The following CTDSPL variants were observed in gnomAD, a reference collection of about 807,000 sequenced individuals.
The protein encoded by CTDSPL is CTD small phosphatase like, also known as CTD small phosphatase-like protein.
CTDSPL carries 8 observed loss-of-function variants against 30.5 expected under a neutral mutation model. The observed-to-expected ratio is 0.26, with a 90% CI of 0.15 to 0.47. The LOEUF (loss-of-function observed/expected upper bound fraction) is 0.47, where lower values mean the gene tolerates loss of function less well. Among genes scored for constraint, CTDSPL ranks in the 20% least tolerant of loss-of-function variants. CTDSPL has a pLI of 0.99. For missense variants in CTDSPL, 248 were observed against 366.1 expected (o/e 0.68, Z 2.63); for synonymous variants, 110 against 137.9 (o/e 0.80, Z 1.42).
chr3:37,876,826 T>A (rs781217932), intron 1 of CTDSPL, among the ~76,000 whole-genome samples: 4 of 151,988 alleles, frequency 2.6e-5, no homozygotes, highest in Non-Finnish European at 5.9e-5. Flanking sequence ...CATATAACAT[T>A]AAATTTAGCA....
intron 1 of CTDSPL, among the ~76,000 whole-genome samples, chr3:37,866,281 T>G (rs1456738201): frequency 6.6e-6 from 1 of 152,062 alleles, no homozygotes; most frequent in Non-Finnish European, 1.5e-5. Flanking sequence ...CAGGAAAAAT[T>G]TTGAAGAACA....
chr3:37,946,363 G>A (rs1699037286), intron 1 of CTDSPL, among the ~76,000 whole-genome samples: 1 of 152,198 alleles, frequency 6.6e-6, no homozygotes, highest in Non-Finnish European at 1.5e-5. Context: ...GATGGGCTTT[G>A]CCCTGGCTGG....
chr3:37,871,743 C>T (rs1698073601), intron 1 of CTDSPL, among the ~76,000 whole-genome samples: 2 of 151,950 alleles, frequency 1.3e-5, no homozygotes, highest in African/African-American at 4.8e-5. Flanking sequence ...ACTATGATGA[C>T]ATAAATGTTA....
At chr3:37,939,118 G>A (rs1458338580) in intron 1 of CTDSPL, among the ~76,000 whole-genome samples, 1 of 150,162 alleles carries the variant, frequency 6.7e-6, no homozygotes, top group Non-Finnish European at 1.5e-5. Context: ...GGCTGTTTTT[G>A]TGAGGACCGT....
At chr3:37,956,020 T>A (rs183660692) in intron 2 of CTDSPL, among the ~76,000 whole-genome samples, 1 of 152,312 alleles carries the variant, frequency 6.6e-6, no homozygotes, top group East Asian at 1.9e-4. Context: ...GCAGCATAGC[T>A]CTGCCTTGAG....
intron 1 of CTDSPL, among the ~76,000 whole-genome samples, chr3:37,913,481 C>T (rs1698606674): frequency 6.6e-6 from 1 of 152,200 alleles, no homozygotes; most frequent in African/African-American, 2.4e-5. Context: ...TAGCAAGACA[C>T]AGTGCCTAAA....
chr3:37,938,314 G>A (rs1380832241), intron 1 of CTDSPL, among the ~76,000 whole-genome samples: 1 of 150,054 alleles, frequency 6.7e-6, no homozygotes, highest in Non-Finnish European at 1.5e-5. Flanking sequence ...GTTAAGGATG[G>A]TTCCAAAGCC....
Position 37,981,004 on chromosome 3 carries a change from A to G in CTDSPL, c.*137A>G. ...CCACAGGGTGAATGTGGCCATGCCT[A>G]CCTGTTTTGTTTTTTTAAGAACAGA... is the stretch of plus-strand genomic sequence containing the variant. On this transcript the variant is annotated 3_prime_UTR_variant, in exon 8 of 8. Coordinates refer to ENST00000273179, the MANE Select transcript of CTDSPL (RefSeq NM_001008392.2). The G allele has an allele frequency of 9.8e-7, 1 of 1,019,548 alleles. No homozygotes were observed. The highest frequency in any genetic ancestry group is 3.0e-5 in the East Asian group (1 of 33,716). The allele number at this position is 1,019,548 out of a possible 1,614,324, so 63.2% of individuals were successfully genotyped here.
At chr3:37,949,673 T>G (rs1699086287) in intron 2 of CTDSPL, among the ~76,000 whole-genome samples, 1 of 152,222 alleles carries the variant, frequency 6.6e-6, no homozygotes, top group African/African-American at 2.4e-5. Context: ...CTTCCCTCAG[T>G]TTTCATAAAA....
intron 1 of CTDSPL, among the ~76,000 whole-genome samples, chr3:37,882,574 G>A (rs754164362): frequency 2.0e-5 from 3 of 151,986 alleles, no homozygotes. Context: ...CCGAGATTGA[G>A]CCACTGCACT....
chr3:37,937,632 G>A (rs1465765001), intron 1 of CTDSPL, among the ~76,000 whole-genome samples: 4 of 150,388 alleles, frequency 2.7e-5, no homozygotes, highest in African/African-American at 9.7e-5. Flanking sequence ...TTACACCAGT[G>A]CTAAATGGAA....
intron 7 of CTDSPL, among the ~76,000 whole-genome samples, chr3:37,976,509 G>A (rs1699429712): frequency 6.6e-6 from 1 of 151,976 alleles, no homozygotes; most frequent in African/African-American, 2.4e-5. Flanking sequence ...GCACGCACCT[G>A]TAGTCTCAGC....
Position 37,862,313 on chromosome 3 carries a change from C to A in CTDSPL, c.79+35C>A. On this transcript the variant is annotated intron_variant, in intron 1 of 7. Transcript: ENST00000273179. The surrounding 1 kb of genome is among the most constrained non-coding windows in gnomAD (Gnocchi z 4.3). ...GGCGCAGGCGGCCGCGGGCTGGGGG[C>A]GAGCGCACACCCCGCGCCGCTGGAG... The A allele has an allele frequency of 6.9e-7, 1 of 1,441,214 alleles. No homozygotes were observed. Among genetic ancestry groups the A allele is most frequent in the South Asian group, 1.4e-5 (1 of 72,648 alleles). 89.3% of individuals were successfully genotyped at this position (1,441,214 alleles called of 1,614,324 possible). A position where few individuals can be genotyped will look rare whatever the true frequency, so the allele number is the denominator to read the frequency against.
chr3:37,965,136 C>T (rs1282234278), intron 4 of CTDSPL, among the ~76,000 whole-genome samples: 1 of 152,232 alleles, frequency 6.6e-6, no homozygotes, highest in Non-Finnish European at 1.5e-5. Flanking sequence ...CTGAAGAAGA[C>T]TTCCAGACTT....
Position 37,941,605 on chromosome 3 carries a change from G to A in CTDSPL, c.80-5452G>A, listed in dbSNP as rs140868983. Among the ~76,000 whole-genome samples, 413 of 150,014 alleles carry A rather than the reference G, an allele frequency of 2.8e-3. 35 individuals are homozygous for A. In the East Asian group the frequency reaches 0.049, roughly 18 times the overall value. ...GGGTTTCGCCATGTTGTCCAGGCTG[G>A]TCTCAAACTTCTGGCCTCAGGTGAT... On this transcript the variant is annotated intron_variant, in intron 1 of 7. Coordinates refer to ENST00000273179, the MANE Select transcript of CTDSPL (RefSeq NM_001008392.2).
rs919831390 is a variant in CTDSPL, at chr3:37,975,391, T to C, written c.520-318T>C. Among the ~76,000 whole-genome samples the C allele has an allele frequency of 6.6e-6, 1 of 151,974 alleles. No homozygotes were observed. The highest frequency in any genetic ancestry group is 2.1e-4 in the South Asian group (1 of 4,820). Reference sequence around the variant, plus strand: ...AAGGAGGCCCCGTGGGAAAGACAGGTTTTTCACGAGGCTCACACAGCCATC... The same window carrying C: ...AAGGAGGCCCCGTGGGAAAGACAGGCTTTTCACGAGGCTCACACAGCCATC... On this transcript the variant is annotated intron_variant, in intron 6 of 7. Coordinates refer to ENST00000273179, the MANE Select transcript of CTDSPL (RefSeq NM_001008392.2). This position sits in a 1 kb window ranked among gnomAD's most constrained non-coding sequence, Gnocchi z 4.9.
intron 1 of CTDSPL, among the ~76,000 whole-genome samples, chr3:37,894,081 G>A (rs1023053243): frequency 2.0e-5 from 3 of 152,114 alleles, no homozygotes; most frequent in African/African-American, 7.2e-5. Flanking sequence ...CTGGGATGAA[G>A]TTCTGTTTTG....
intron 1 of CTDSPL, among the ~76,000 whole-genome samples, chr3:37,891,879 TGTGTACATAC>T (rs1397105155): frequency 6.6e-6 from 1 of 152,122 alleles, no homozygotes; most frequent in Non-Finnish European, 1.5e-5. Flanking sequence ...TATATATGTG[TGTGTACATAC>T]ATGTACATAC....
chr3:37,923,988 T>C lies in CTDSPL; in HGVS notation c.80-23069T>C, dbSNP rs183253238. ...GAGCTGATGCCTGTTTGAAGCAGAA[T>C]GTTGCAAGCAGAAACTCTTCTATTT... On this transcript the variant is annotated intron_variant, in intron 1 of 7. Coordinates refer to ENST00000273179, the MANE Select transcript of CTDSPL (RefSeq NM_001008392.2). Among the ~76,000 whole-genome samples the C allele has an allele frequency of 1.1e-3, 172 of 152,330 alleles. 1 individual carries two copies. Among genetic ancestry groups the C allele is most frequent in the Non-Finnish European group, 1.8e-3 (123 of 68,020 alleles).
Sources: allele counts gnomAD v4.1 joint callset (sites outside exome capture counted in the v4.1 genomes callset), GRCh38; gene constraint gnomAD v4.1.1; non-coding constraint Gnocchi (gnomAD v3.1); transcripts MANE v1.5; gene names NCBI Gene and HGNC (gene_info 2026-07-23, HGNC 2026-07-21).